MYH9: variants seen among roughly 807,000 people sequenced by gnomAD.
MYH9 encodes the protein myosin-9.
In MYH9, 29 loss-of-function variants were observed where a neutral mutation model predicts 241.9. The ratio of observed to expected loss-of-function variants is 0.12; its 90% CI spans 0.09 to 0.16. MYH9 has a LOEUF of 0.16. Among genes scored for constraint, MYH9 ranks in the 10% least tolerant of loss-of-function variants. The pLI is 1.00. For synonymous variants in MYH9, 1,047 were observed against 1,062.6 expected (o/e 0.99, Z 0.29); for missense variants, 1,803 against 2,595.5 (o/e 0.69, Z 6.63).
intron 1 of MYH9, among the ~76,000 whole-genome samples, chr22:36,383,668 G>T (rs1023408463): frequency 1.3e-5 from 2 of 150,788 alleles, no homozygotes; most frequent in Non-Finnish European, 3.0e-5. Context: ...AAAAAAAAGG[G>T]GGGGGGGTGC....
chr22:36,298,886 C>T (rs1384921467), intron 24 of MYH9, 33 bp downstream of exon 24: 7 of 1,611,800 alleles, frequency 4.3e-6, no homozygotes, highest in Admixed American at 3.3e-5. Flanking sequence ...CCGCCAGCCC[C>T]TGCCCATCAC....
intron 1 of MYH9, among the ~76,000 whole-genome samples, chr22:36,349,925 G>T (rs2017739352): frequency 6.6e-6 from 1 of 152,158 alleles, no homozygotes; most frequent in Non-Finnish European, 1.5e-5. Flanking sequence ...TTTCTAATCA[G>T]CCAAAAAACA....
intron 12 of MYH9, 41 bp downstream of exon 12, chr22:36,316,476 C>T (rs1360210158): frequency 1.9e-6 from 3 of 1,613,842 alleles, no homozygotes; most frequent in Non-Finnish European, 1.7e-6. Flanking sequence ...AACCAACAGG[C>T]CAAGGAGGCA....
In MYH9 at chr22:36,281,394, G is replaced by A. The variant is rs1247020024; in HGVS notation, c.*1274C>T. ...GCACTTTTATTATATAAAAAAGGGG[G>A]TAGGGTGGGAGTTTCACTCACTCCT... On this transcript the variant is annotated 3_prime_UTR_variant, in exon 41 of 41. Transcript: ENST00000216181. 8.8e-6 allele frequency: 2 copies of A among 227,100 alleles called. No homozygotes were observed. Among genetic ancestry groups the A allele is most frequent in the East Asian group, 6.3e-5 (1 of 15,794 alleles). 14.1% of individuals were successfully genotyped at this position (227,100 alleles called of 1,614,324 possible).
At position 36,295,858 on chromosome 22, in the gene MYH9, A is replaced by G; in HGVS notation, c.3273-141T>C. ...CATGGCACTTAGGATGGCTCTCAGC[A>G]GAAACAACATCTGAGACAACCAGAT... is the stretch of plus-strand genomic sequence containing the variant. On this transcript the variant is annotated intron_variant, in intron 25 of 40. Coordinates refer to ENST00000216181, the MANE Select transcript of MYH9 (RefSeq NM_002473.6). This position sits in a 1 kb window ranked among gnomAD's most constrained non-coding sequence, Gnocchi z 4.1. The G allele has an allele frequency of 2.6e-6, 2 of 757,970 alleles. No homozygotes were observed. The highest frequency in any genetic ancestry group is 4.1e-5 in the Admixed American group (2 of 49,318). 47.0% of individuals were successfully genotyped at this position (757,970 alleles called of 1,614,324 possible).
rs372016779 is a variant in MYH9, at chr22:36,319,537, T to C, written c.1108+3A>G. 2.5e-6 allele frequency: 4 copies of C among 1,614,100 alleles called. No individual in the cohort carries two copies. The highest frequency in any genetic ancestry group is 3.4e-6 in the Non-Finnish European group (4 of 1,179,992). Reference sequence around the variant, plus strand: ...ATTTCCAGCGAGAGGCCCCGGGTGTTACCTGTGTTGTCGGGCATGGACGCC... The same window carrying C: ...ATTTCCAGCGAGAGGCCCCGGGTGTCACCTGTGTTGTCGGGCATGGACGCC... On this transcript the variant is annotated splice_donor_region_variant and intron_variant, in intron 10 of 40. Transcript: ENST00000216181.
intron 1 of MYH9, among the ~76,000 whole-genome samples, chr22:36,375,633 C>T (rs551644644): frequency 6.6e-6 from 1 of 152,300 alleles, no homozygotes; most frequent in East Asian, 1.9e-4. Context: ...AAGTTTGAAT[C>T]CCTGCACAGT....
intron 20 of MYH9, 138 bp from the exon 21 acceptor site, chr22:36,301,803 A>C: frequency 1.7e-6 from 2 of 1,179,178 alleles, no homozygotes; most frequent in South Asian, 2.6e-5. Flanking sequence ...GGCTGCAAGC[A>C]GGCACATCCT....
intron 31 of MYH9, among the ~76,000 whole-genome samples, chr22:36,290,855 G>A (rs1232298646): frequency 1.3e-5 from 2 of 152,064 alleles, no homozygotes; most frequent in Non-Finnish European, 2.9e-5. Flanking sequence ...TCTGGGAGGT[G>A]AGGAGCATCT....
intron 1 of MYH9, among the ~76,000 whole-genome samples, chr22:36,374,707 CCCA>C (rs2018139828): frequency 6.6e-6 from 1 of 152,196 alleles, no homozygotes; most frequent in Admixed American, 6.5e-5. Context: ...ATCCTGCACT[CCCA>C]CATTTCCTGG....
At chr22:36,333,042 C>T (rs1306215559) in intron 3 of MYH9, among the ~76,000 whole-genome samples, 1 of 152,094 alleles carries the variant, frequency 6.6e-6, no homozygotes, top group African/African-American at 2.4e-5. Context: ...AGGAGGGGCC[C>T]CTGTTGACTT....
At chr22:36,307,688 G>C (rs1474354241) in intron 15 of MYH9, among the ~76,000 whole-genome samples, 3 of 152,166 alleles carry the variant, frequency 2.0e-5, no homozygotes, top group Non-Finnish European at 4.4e-5. Flanking sequence ...AGGAGTTCGA[G>C]ACCAGCCAGG....
rs2017095674 is a variant in MYH9, at chr22:36,313,301, A to T, written c.1554+844T>A. 2.7e-5 allele frequency among the ~76,000 whole-genome samples: 4 copies of T among 150,290 alleles called. No homozygotes were observed. In the South Asian group the frequency reaches 8.5e-4, roughly 32 times the overall value. On this transcript the variant is annotated intron_variant, in intron 13 of 40. Transcript: ENST00000216181. ...TCCGCCTCCACTAAAAATACAAAAA[A>T]ATTAGCTGGGCGTGGTGGCGGGCGC...
chr22:36,380,907 C>T (rs753587236), intron 1 of MYH9, among the ~76,000 whole-genome samples: 1 of 152,152 alleles, frequency 6.6e-6, no homozygotes, highest in Admixed American at 6.6e-5. Context: ...TTTCCAGACA[C>T]ACATGCAGGC....
In MYH9 at chr22:36,300,876, T is replaced by C; in HGVS notation, c.2813A>G (p.Lys938Arg). ...EERCQHLQAEKKKMQQNIQEL... is the reference protein window; with the variant it reads ...EERCQHLQAERKKMQQNIQEL... ...CTGGATGTTCTGCTGCATCTTCTTC[T>C]TCTCCGCCTGCAGGTGCTGGCAGCG... Residue 938 changes from lysine (K) to arginine (R), a missense_variant, in exon 22 of 41, where the codon AAG becomes AGG. Coordinates refer to ENST00000216181, the MANE Select transcript of MYH9 (RefSeq NM_002473.6). This position sits in a 1 kb window ranked among gnomAD's most constrained non-coding sequence, Gnocchi z 5.0. The C allele has an allele frequency of 6.2e-7, 1 of 1,603,388 alleles. No individual in the cohort carries two copies. The highest frequency in any genetic ancestry group is 8.5e-7 in the Non-Finnish European group (1 of 1,179,978).
intron 1 of MYH9, among the ~76,000 whole-genome samples, chr22:36,355,630 C>T (rs1364275305): frequency 6.6e-6 from 1 of 152,112 alleles, no homozygotes; most frequent in Non-Finnish European, 1.5e-5. Context: ...CAAGGACCTG[C>T]TAGGAAGCGC....
At chr22:36,297,140 C>A in intron 24 of MYH9, 126 bp from the exon 25 acceptor site, 1 of 1,067,898 alleles carries the variant, frequency 9.4e-7, no homozygotes, top group Non-Finnish European at 1.4e-6. Context: ...CACAAACACA[C>A]AGACACTCGC....
chr22:36,294,232 C>T lies in MYH9; in HGVS notation c.3697G>A (p.Val1233Met), dbSNP rs542791128. The change falls in exon 28 of 41, where the codon GTG (valine) becomes ATG (methionine). Residue 1233 changes from valine (V) to methionine (M), a missense_variant. By Grantham distance (21) the Val-to-Met change is conservative (BLOSUM62 1). Coordinates refer to ENST00000216181, the MANE Select transcript of MYH9 (RefSeq NM_002473.6). The stretch of plus-strand genomic sequence containing the variant: ...CCTTTGCCCTGCAGCAGCACCTTCA[C>T]CTCGTTGGCCAGCTCCCCCCGCTCG... Reference protein sequence around the residue: ...ENERGELANEVKVLLQGKGDS... With the variant: ...ENERGELANEMKVLLQGKGDS... 4.2e-4 allele frequency: 672 copies of T among 1,614,126 alleles called. 7 individuals carry two copies. The South Asian group carries it at 6.4e-3, about 15-fold the overall frequency.
At chr22:36,385,490 C>T (rs1395920227) in intron 1 of MYH9, among the ~76,000 whole-genome samples, 1 of 152,212 alleles carries the variant, frequency 6.6e-6, no homozygotes, top group African/African-American at 2.4e-5. Flanking sequence ...GGGCAAAAGG[C>T]AGGCTGTGAT....
Sources: allele counts gnomAD v4.1 joint callset (sites outside exome capture counted in the v4.1 genomes callset), GRCh38; gene constraint gnomAD v4.1.1; non-coding constraint Gnocchi (gnomAD v3.1); transcripts MANE v1.5; gene names NCBI Gene and HGNC (gene_info 2026-07-23, HGNC 2026-07-21).